ACACB: variants seen among roughly 807,000 people sequenced by gnomAD.
The protein encoded by ACACB is acetyl-CoA carboxylase 2.
ACACB carries 209 observed loss-of-function variants against 278.8 expected under a neutral mutation model. That is an observed-to-expected ratio of 0.75 (90% confidence interval 0.67 to 0.84). ACACB has a LOEUF of 0.84. Ranked by LOEUF, ACACB falls within the 40% of genes least tolerant of loss-of-function variation. The pLI, the probability that ACACB is intolerant of heterozygous loss-of-function variation, is 0.00. For missense variants in ACACB, 2,850 were observed against 3,269.0 expected, an observed-to-expected ratio of 0.87 and a Z score of 3.13; for synonymous variants, 1,174 against 1,285.6, an observed-to-expected ratio of 0.91 and a Z score of 1.86.
Position 109,210,244 on chromosome 12 carries a change from T to TATACACACATGTGTGTATATGTAC in ACACB, c.3249+894_3249+895insCACACATGTGTGTATATGTACATA, listed in dbSNP as rs2045739896. 6.3e-5 allele frequency among the ~76,000 whole-genome samples: 2 copies of TATACACACATGTGTGTATATGTAC among 31,954 alleles called. 1 individual carries two copies. Among genetic ancestry groups the TATACACACATGTGTGTATATGTAC allele is most frequent in the East Asian group, 3.5e-3 (2 of 568 alleles). The allele number at this position is 31,954 out of a possible 152,430, so 21.0% of individuals were successfully genotyped here. ...ACATGTGTGTATATGTATATATGTATATATACACACATGTGTGTATATGTA... is the reference window on the plus strand; with the variant it reads ...ACATGTGTGTATATGTATATATGTATATACACACATGTGTGTATATGTACATATACACACATGTGTGTATATGTA... On this transcript the variant is annotated intron_variant, in intron 21 of 52. Transcript: ENST00000338432.
At chr12:109,133,836 C>CGCATATAT (rs1555202894) in intron 1 of ACACB, among the ~76,000 whole-genome samples, 1 of 44,692 alleles carries the variant, frequency 2.2e-5, no homozygotes, top group East Asian at 3.1e-4. Context: ...AATGTGTGTG[C>CGCATATAT]ATATATATAT....
intron 13 of ACACB, among the ~76,000 whole-genome samples, chr12:109,190,006 G>A (rs376678666): frequency 3.3e-5 from 5 of 152,288 alleles, no homozygotes; most frequent in African/African-American, 1.2e-4. Flanking sequence ...AGCTACTCGG[G>A]AGGCTGAGGC....
chr12:109,157,724 A>G (rs575615498), intron 2 of ACACB, among the ~76,000 whole-genome samples: 1 of 152,346 alleles, frequency 6.6e-6, no homozygotes, highest in East Asian at 1.9e-4. Flanking sequence ...CTTGTGCTGA[A>G]GGCTCGGGCC....
intron 1 of ACACB, among the ~76,000 whole-genome samples, chr12:109,136,529 G>A (rs1466628771): frequency 6.6e-6 from 1 of 152,104 alleles, no homozygotes; most frequent in East Asian, 1.9e-4. Flanking sequence ...AAGTGTGATA[G>A]GCAATAATAG....
intron 2 of ACACB, among the ~76,000 whole-genome samples, chr12:109,141,479 A>G (rs955603857): frequency 3.3e-5 from 5 of 152,218 alleles, no homozygotes; most frequent in African/African-American, 1.2e-4. Context: ...AGGAGAACAG[A>G]GAGAAGAAAA....
rs1385431096 is a variant in ACACB, at chr12:109,212,859, T to C, written c.3273T>C (p.His1091=). The change falls in exon 22 of 53, where the codon CAT becomes CAC. Residue 1091 remains histidine, a synonymous_variant. Transcript: ENST00000338432. ...SQQIATILDC[H]AATLQRKADR... is the part of the protein sequence containing the mutation. ...AGATAGCCACCATCCTGGACTGCCA[T>C]GCAGCCACCCTGCAGCGGAAGGCTG... is the stretch of plus-strand genomic sequence containing the variant. 5.6e-6 allele frequency: 9 copies of C among 1,614,014 alleles called. No homozygotes were observed. In the African/African-American group the frequency reaches 1.1e-4, roughly 19 times the overall value.
intron 11 of ACACB, among the ~76,000 whole-genome samples, chr12:109,183,838 T>C (rs1259692399): frequency 6.6e-6 from 1 of 152,110 alleles, no homozygotes; most frequent in Non-Finnish European, 1.5e-5. Flanking sequence ...TGGGGTCTCA[T>C]TACGTTGCCC....
intron 21 of ACACB, among the ~76,000 whole-genome samples, chr12:109,211,722 T>C (rs996277413): frequency 2.0e-5 from 3 of 152,250 alleles, no homozygotes; most frequent in Admixed American, 1.3e-4. Flanking sequence ...ATGGTGGTGA[T>C]AGTTGCACAA....
chr12:109,211,264 T>C (rs967974334), intron 21 of ACACB, among the ~76,000 whole-genome samples: 14 of 151,772 alleles, frequency 9.2e-5, no homozygotes, highest in Non-Finnish European at 1.9e-4. Context: ...GAATACTGAT[T>C]CATGCTCCCA....
At chr12:109,210,973 A>G (rs1372400314) in intron 21 of ACACB, among the ~76,000 whole-genome samples, 2 of 151,244 alleles carry the variant, frequency 1.3e-5, no homozygotes, top group East Asian at 3.9e-4. Flanking sequence ...AATGGAAGCC[A>G]TTCCAGGGAA....
chr12:109,232,739 G>A lies in ACACB; in HGVS notation c.4072G>A (p.Gly1358Ser), dbSNP rs546114684. 9.5e-5 allele frequency: 153 copies of A among 1,614,086 alleles called. No homozygotes were observed. Among genetic ancestry groups the A allele is most frequent in the Middle Eastern group, 6.6e-4 (4 of 6,062 alleles). ...RHSTELFMDS[G>S]FSPLCQRMGA... Reference sequence around the variant, plus strand: ...CAGCACAGAGCTCTTCATGGACAGCGGCTTCTCCCCACTGTGCCAGCGCAT... The same window carrying A: ...CAGCACAGAGCTCTTCATGGACAGCAGCTTCTCCCCACTGTGCCAGCGCAT... The change falls in exon 29 of 53, where the codon GGC (glycine) becomes AGC (serine). Residue 1358 changes from glycine to serine, a missense_variant. By Grantham distance (56) the Gly-to-Ser change is moderately conservative. Coordinates refer to ENST00000338432, the MANE Select transcript of ACACB (RefSeq NM_001093.4).
intron 26 of ACACB, 94 bp from the exon 27 acceptor site, chr12:109,223,721 C>T: frequency 8.6e-7 from 1 of 1,158,954 alleles, no homozygotes; most frequent in Non-Finnish European, 1.3e-6. Context: ...ATGATCACAC[C>T]ACTGCACTCC....
At position 109,216,933 on chromosome 12, in the gene ACACB, A is replaced by G; in HGVS notation, c.3564+13A>G. On this transcript the variant is annotated intron_variant, in intron 24 of 52. Transcript: ENST00000338432. ...GATCATGTTGATCGTAAGCAGGAAG[A>G]GGGCCTGTTACTAGACTGGGGGTGG... 1 of 1,611,984 alleles carries G rather than the reference A, an allele frequency of 6.2e-7. No individual in the cohort carries two copies. Among genetic ancestry groups the G allele is most frequent in the Non-Finnish European group, 8.5e-7 (1 of 1,179,518 alleles).
In ACACB at chr12:109,253,096, A is replaced by G. The variant is rs187297100; in HGVS notation, c.5983A>G (p.Thr1995Ala). Residue 1995 changes from threonine (T) to alanine (A), a missense_variant, in exon 43 of 53, where the codon ACC becomes GCC. Transcript: ENST00000338432. ...IMHYNGVSHI[T>A]VPDDFEGVYT... ...GCATTACAATGGTGTCTCCCACATC[A>G]CCGTGCCAGATGACTTTGAGGGGGT... 3 of 1,613,434 alleles carry G rather than the reference A, an allele frequency of 1.9e-6. No homozygotes were observed. Among genetic ancestry groups the G allele is most frequent in the Admixed American group, 3.3e-5 (2 of 59,978 alleles).
chr12:109,188,228 T>G, intron 13 of ACACB, 66 bp downstream of exon 13: 1 of 1,422,916 alleles, frequency 7.0e-7, no homozygotes, highest in Non-Finnish European at 9.6e-7. Flanking sequence ...CTTCCTTCCT[T>G]CCTTCCCTCT....
intron 18 of ACACB, among the ~76,000 whole-genome samples, chr12:109,201,055 C>T (rs1457974329): frequency 3.3e-5 from 5 of 152,164 alleles, no homozygotes; most frequent in Non-Finnish European, 5.9e-5. Context: ...GCTCTGCGGC[C>T]GCCACCATGG....
intron 29 of ACACB, among the ~76,000 whole-genome samples, chr12:109,233,488 G>A (rs1168844392): frequency 6.6e-6 from 1 of 152,210 alleles, no homozygotes; most frequent in African/African-American, 2.4e-5. Flanking sequence ...GCTGATGCCT[G>A]AAAGCGCTGG....
rs555387205 is a variant in ACACB, at chr12:109,267,907, G to A, written c.*1545G>A. ...GTGGAAGCCCATGAGGTTGCCCAGG[G>A]AAGCCTCCAAAAGCTGGGATGCTTG... On this transcript the variant is annotated 3_prime_UTR_variant, in exon 53 of 53. Coordinates refer to ENST00000338432, the MANE Select transcript of ACACB (RefSeq NM_001093.4). 1 of 152,110 alleles carries A rather than the reference G, an allele frequency of 6.6e-6. No individual in the cohort carries two copies. Among genetic ancestry groups the A allele is most frequent in the South Asian group, 2.1e-4 (1 of 4,810 alleles). 9.4% of individuals were successfully genotyped at this position (152,110 alleles called of 1,614,324 possible). A position where few individuals can be genotyped will look rare whatever the true frequency, so the allele number is the denominator to read the frequency against.
chr12:109,175,836 T>C (rs2044265197), intron 7 of ACACB, 95 bp from the exon 8 acceptor site: 2 of 1,035,280 alleles, frequency 1.9e-6, no homozygotes, highest in Admixed American at 1.9e-5. Flanking sequence ...AGCCCAGGTC[T>C]AGCACTATGT....
Sources: gnomAD v4.1 joint callset for allele counts (sites outside exome capture counted in the v4.1 genomes callset) on GRCh38, gnomAD v4.1.1 for gene constraint, MANE v1.5 for transcripts, NCBI Gene and HGNC (gene_info 2026-07-23, HGNC 2026-07-21) for gene names.